Variants in GSTCD observed in about 807,000 individuals in gnomAD.
GSTCD encodes glutathione S-transferase C-terminal domain containing, also known as glutathione S-transferase C-terminal domain-containing protein.
GSTCD carries 44 observed loss-of-function variants against 68.3 expected under a neutral mutation model. The ratio of observed to expected loss-of-function variants is 0.64; its 90% CI spans 0.51 to 0.83. The LOEUF is 0.83. Among genes scored for constraint, GSTCD ranks in the 40% least tolerant of loss-of-function variants. The probability of loss-of-function intolerance (pLI) is 0.00; values close to 1 mark genes in which losing one functional copy is unlikely to be tolerated. For missense variants in GSTCD, 739 were observed against 735.9 expected (o/e 1.00, Z -0.05); for synonymous variants, 273 against 255.2 (o/e 1.07, Z -0.67).
chr4:105,724,256 A>G (rs1054672531), intron 3 of GSTCD, among the ~76,000 whole-genome samples: 2 of 151,852 alleles, frequency 1.3e-5, no homozygotes, highest in African/African-American at 2.4e-5. Context: ...AGAACACTCT[A>G]AATTTTCAAG....
intron 9 of GSTCD, 40 bp from the exon 10 acceptor site, chr4:105,837,819 T>G: frequency 1.2e-6 from 1 of 835,356 alleles, no homozygotes; most frequent in African/African-American, 1.8e-5. Context: ...TTACTCTTAA[T>G]ATTTAGAATG....
At chr4:105,789,297 G>A (rs72673812) in intron 5 of GSTCD, among the ~76,000 whole-genome samples, 4 of 152,038 alleles carry the variant, frequency 2.6e-5, no homozygotes, top group South Asian at 2.1e-4. Context: ...TTTATACAGC[G>A]AGTATTTATT....
intron 10 of GSTCD, among the ~76,000 whole-genome samples, chr4:105,841,098 A>G (rs1724315185): frequency 6.6e-6 from 1 of 152,020 alleles, no homozygotes; most frequent in Non-Finnish European, 1.5e-5. Flanking sequence ...GGCAGATCAC[A>G]AGGTCAGGAG....
intron 8 of GSTCD, among the ~76,000 whole-genome samples, chr4:105,829,373 G>A (rs570944661): frequency 6.6e-6 from 1 of 152,202 alleles, no homozygotes; most frequent in African/African-American, 2.4e-5. Context: ...CAAAATGGAA[G>A]ATAGAGACCT....
rs577965088 is a variant in GSTCD, at chr4:105,730,159, T to C, written c.1240+660T>C. 2.6e-5 allele frequency among the ~76,000 whole-genome samples: 4 copies of C among 152,358 alleles called. No homozygotes were observed. In the East Asian group the frequency reaches 7.7e-4, roughly 29 times the overall value. ...GTCTAACATTGATGGACATTTGGGT[T>C]GGTTCCAAGTCTTTGCTATTGTGAA... On this transcript the variant is annotated intron_variant, in intron 5 of 11. Transcript: ENST00000515279.
chr4:105,838,742 A>G (rs1274151171), intron 10 of GSTCD, among the ~76,000 whole-genome samples: 1 of 152,236 alleles, frequency 6.6e-6, no homozygotes, highest in African/African-American at 2.4e-5. Flanking sequence ...CATCACCACT[A>G]TCCAATTAAC....
chr4:105,811,613 G>C (rs530575937), intron 5 of GSTCD, among the ~76,000 whole-genome samples: 1 of 150,952 alleles, frequency 6.6e-6, no homozygotes, highest in Non-Finnish European at 1.5e-5. Context: ...GCACACCAGC[G>C]TGGCACATGT....
intron 5 of GSTCD, among the ~76,000 whole-genome samples, chr4:105,798,542 A>T (rs1735988834): frequency 6.6e-6 from 1 of 152,212 alleles, no homozygotes; most frequent in South Asian, 2.1e-4. Flanking sequence ...TCCTTGAACC[A>T]TGAGCTGCAG....
intron 3 of GSTCD, among the ~76,000 whole-genome samples, chr4:105,725,343 C>T (rs1732996345): frequency 6.6e-6 from 1 of 152,012 alleles, no homozygotes; most frequent in South Asian, 2.1e-4. Flanking sequence ...CATAAATGTT[C>T]AACTCATTTG....
At chr4:105,709,485 T>A (rs1732443320) in intron 1 of GSTCD, among the ~76,000 whole-genome samples, 1 of 152,232 alleles carries the variant, frequency 6.6e-6, no homozygotes, top group Non-Finnish European at 1.5e-5. Context: ...TCCAAAGGAC[T>A]TGCTTCATTT....
chr4:105,828,621 T>C (rs1723762025), intron 8 of GSTCD, among the ~76,000 whole-genome samples: 1 of 151,982 alleles, frequency 6.6e-6, no homozygotes, highest in Non-Finnish European at 1.5e-5. Context: ...ATATGAAGTG[T>C]GAAGGTGAAA....
intron 5 of GSTCD, among the ~76,000 whole-genome samples, chr4:105,733,961 G>A (rs1733354206): frequency 6.6e-6 from 1 of 152,140 alleles, no homozygotes. Flanking sequence ...AGTTTGGCTG[G>A]ATATGAAATT....
At chr4:105,738,686 A>G (rs1181971589) in intron 5 of GSTCD, among the ~76,000 whole-genome samples, 1 of 151,782 alleles carries the variant, frequency 6.6e-6, no homozygotes, top group African/African-American at 2.4e-5. Context: ...TTGATTTTGT[A>G]TCCTGCAGTT....
chr4:105,770,001 C>T (rs1213894136), intron 5 of GSTCD, among the ~76,000 whole-genome samples: 2 of 152,102 alleles, frequency 1.3e-5, no homozygotes, highest in Non-Finnish European at 1.5e-5. Flanking sequence ...TTAAGCAATC[C>T]TCCCACCTCA....
At chr4:105,765,241 C>T (rs1173445126) in intron 5 of GSTCD, among the ~76,000 whole-genome samples, 1 of 152,066 alleles carries the variant, frequency 6.6e-6, no homozygotes, top group Non-Finnish European at 1.5e-5. Flanking sequence ...TGAGTTAACA[C>T]CAAAAATTTG....
intron 8 of GSTCD, among the ~76,000 whole-genome samples, chr4:105,832,204 T>C (rs1430693230): frequency 6.6e-6 from 1 of 152,206 alleles, no homozygotes; most frequent in Admixed American, 6.5e-5. Flanking sequence ...CCATCTTTTC[T>C]CCCTGGTTTG....
At chr4:105,756,413 C>T (rs1474953882) in intron 5 of GSTCD, among the ~76,000 whole-genome samples, 5 of 151,450 alleles carry the variant, frequency 3.3e-5, no homozygotes, top group South Asian at 2.1e-4. Flanking sequence ...CTCATTAGAA[C>T]GCAAGACACT....
chr4:105,719,586 GGTTT>G, intron 3 of GSTCD, 59 bp downstream of exon 3: 1 of 1,263,464 alleles, frequency 7.9e-7, no homozygotes, highest in Non-Finnish European at 1.1e-6. Context: ...AAATTGCCTA[GGTTT>G]GAATTTCTGT....
rs540788531 is a variant in GSTCD, at chr4:105,758,458, G to A, written c.1240+28959G>A. 2.0e-5 allele frequency among the ~76,000 whole-genome samples: 3 copies of A among 152,214 alleles called. No individual in the cohort carries two copies. In the South Asian group the frequency reaches 6.2e-4, roughly 32 times the overall value. On this transcript the variant is annotated intron_variant, in intron 5 of 11. Transcript: ENST00000515279. ...AGATATGGTGGTTTAAAAGTGTGTAGCACCTCTCCCGTCACTCGCTCTCTC... is the reference window on the plus strand; with the variant it reads ...AGATATGGTGGTTTAAAAGTGTGTAACACCTCTCCCGTCACTCGCTCTCTC...
Sources: gnomAD v4.1 joint callset for allele counts (sites outside exome capture counted in the v4.1 genomes callset) on GRCh38, gnomAD v4.1.1 for gene constraint, MANE v1.5 for transcripts, NCBI Gene and HGNC (gene_info 2026-07-23, HGNC 2026-07-21) for gene names.